NBAS: variants seen among roughly 807,000 people sequenced by gnomAD.
The protein encoded by NBAS is NBAS subunit of NRZ tethering complex.
A neutral mutation model predicts 302.5 loss-of-function variants in NBAS; 219 were observed. The ratio of observed to expected loss-of-function variants is 0.72; its 90% CI spans 0.65 to 0.81. NBAS has a LOEUF of 0.81. Among genes scored for constraint, NBAS ranks in the 30% least tolerant of loss-of-function variants. NBAS has a pLI of 0.00. For synonymous variants in NBAS, 1,118 were observed against 1,021.6 expected, an observed-to-expected ratio of 1.09 and a Z score of -1.80; for missense variants, 2,932 against 2,841.6, an observed-to-expected ratio of 1.03 and a Z score of -0.72.
the NBAS span, among the ~76,000 whole-genome samples, chr2:14,797,700 G>T: frequency 6.6e-6 from 1 of 152,072 alleles, no homozygotes; most frequent in Admixed American, 6.5e-5. Flanking sequence ...CAGGCTGAGC[G>T]TGAAGCTATA....
intron 31 of NBAS, among the ~76,000 whole-genome samples, chr2:15,367,075 T>C (rs945495793): frequency 7.2e-5 from 11 of 152,148 alleles, no homozygotes; most frequent in African/African-American, 2.2e-4. Flanking sequence ...CCTCACCCTC[T>C]AAGCCCCATT....
Position 15,559,387 on chromosome 2 carries a change from C to T in NBAS, c.118-753G>A, listed in dbSNP as rs149440493. Among the ~76,000 whole-genome samples, 454 of 152,248 alleles carry T rather than the reference C, an allele frequency of 3.0e-3. 2 individuals are homozygous for T. The highest frequency in any genetic ancestry group is 0.01 in the African/African-American group (427 of 41,548). On this transcript the variant is annotated intron_variant, in intron 1 of 51. Coordinates refer to ENST00000281513, the MANE Select transcript of NBAS (RefSeq NM_015909.4). ...GCTACTAACAAAACATACACAGATA[C>T]GTAATTGCTATATTAAATAATTCCA...
chr2:15,435,082 T>G (rs1166557010), intron 21 of NBAS, among the ~76,000 whole-genome samples: 1 of 152,190 alleles, frequency 6.6e-6, no homozygotes, highest in African/African-American at 2.4e-5. Context: ...GACATTTAAA[T>G]TTATCAATTA....
At chr2:15,253,733 C>T (rs887726356) in intron 44 of NBAS, among the ~76,000 whole-genome samples, 2 of 152,170 alleles carry the variant, frequency 1.3e-5, no homozygotes, top group African/African-American at 4.8e-5. Context: ...GACTCTGATA[C>T]ATTGTTCTGA....
chr2:14,836,377 A>T, the NBAS span, among the ~76,000 whole-genome samples: 7 of 151,682 alleles, frequency 4.6e-5, no homozygotes, highest in African/African-American at 1.7e-4. Flanking sequence ...AAGATAGAAG[A>T]TATTCTTCCA....
the NBAS span, among the ~76,000 whole-genome samples, chr2:15,073,487 A>T: frequency 2.4e-4 from 34 of 143,364 alleles, no homozygotes; most frequent in South Asian, 1.8e-3. Context: ...AAAAAAAAAA[A>T]AAAATAAAAA....
chr2:15,075,694 T>C, the NBAS span, among the ~76,000 whole-genome samples: 2 of 152,162 alleles, frequency 1.3e-5, no homozygotes, highest in Non-Finnish European at 2.9e-5. Context: ...TGCCATTTGT[T>C]TCCTATTGGG....
chr2:15,536,448 T>C lies in NBAS; in HGVS notation c.617A>G (p.Tyr206Cys). ...AAGGTAACTTCTAAGTTCTCCTCGG[T>C]AATTGATGACCAGGAGTTCTGCAGA... ...QWSAELLVIN[Y>C]RGELRSYLVS... The change falls in exon 8 of 52, where the codon TAC becomes TGC. Residue 206 changes from tyrosine to cysteine, a missense_variant. Tyr to Cys is a radical substitution (Grantham distance 194). Coordinates refer to ENST00000281513, the MANE Select transcript of NBAS (RefSeq NM_015909.4). 1.9e-6 allele frequency: 3 copies of C among 1,613,670 alleles called. No individual in the cohort carries two copies. Among genetic ancestry groups the C allele is most frequent in the Non-Finnish European group, 2.5e-6 (3 of 1,179,956 alleles).
the NBAS span, among the ~76,000 whole-genome samples, chr2:15,058,544 AG>A: frequency 3.3e-5 from 5 of 152,236 alleles, 1 homozygote; most frequent in Admixed American, 1.3e-4. Context: ...GCACAACATA[AG>A]GTTGAAGTTC....
intron 26 of NBAS, among the ~76,000 whole-genome samples, chr2:15,401,330 CT>C (rs1383032666): frequency 3.3e-5 from 5 of 151,686 alleles, no homozygotes; most frequent in Admixed American, 1.3e-4. Flanking sequence ...TGAGCCCCCC[CT>C]CCCAAAATAA....
the NBAS span, among the ~76,000 whole-genome samples, chr2:14,868,858 A>G: frequency 6.6e-6 from 1 of 152,248 alleles, no homozygotes; most frequent in African/African-American, 2.4e-5. Flanking sequence ...AGCATAGGGA[A>G]TAGAAAGATG....
rs1390794564 is a variant in NBAS, at chr2:15,418,548, AG to A, written c.2578-837del. On this transcript the variant is annotated intron_variant, in intron 23 of 51. Transcript: ENST00000281513. Reference sequence around the variant, plus strand: ...AAAGATCTCTCAGCCTTGTAAGAAAAGACAACCACAATGACTGAAGCAGAGT... The same window carrying A: ...AAAGATCTCTCAGCCTTGTAAGAAAAACAACCACAATGACTGAAGCAGAGT... 4.6e-5 allele frequency among the ~76,000 whole-genome samples: 7 copies of A among 152,336 alleles called. No homozygotes were observed. In the East Asian group the frequency reaches 1.4e-3, roughly 29 times the overall value.
chr2:15,286,984 A>G, intron 42 of NBAS, 89 bp downstream of exon 42: 1 of 1,103,846 alleles, frequency 9.1e-7, no homozygotes. Flanking sequence ...GAAAACTAAA[A>G]TTGTACTTTA....
intron 35 of NBAS, among the ~76,000 whole-genome samples, chr2:15,341,344 C>G (rs1381930356): frequency 1.3e-5 from 2 of 151,646 alleles, no homozygotes; most frequent in East Asian, 3.9e-4. Context: ...CAAGATAGTG[C>G]CAATGAACTC....
At chr2:15,091,042 G>T in the NBAS span, among the ~76,000 whole-genome samples, 10 of 152,050 alleles carry the variant, frequency 6.6e-5, no homozygotes, top group Admixed American at 4.6e-4. Flanking sequence ...CTATAATAAA[G>T]CCAAAATAGC....
intron 46 of NBAS, among the ~76,000 whole-genome samples, chr2:15,233,730 C>T (rs905893728): frequency 6.6e-6 from 1 of 152,016 alleles, no homozygotes; most frequent in African/African-American, 2.4e-5. Flanking sequence ...TTAATGGATA[C>T]CTCAGAGCAT....
chr2:15,324,898 C>T (rs939509184), intron 38 of NBAS, among the ~76,000 whole-genome samples: 3 of 152,166 alleles, frequency 2.0e-5, no homozygotes, highest in African/African-American at 7.2e-5. Flanking sequence ...TTATCAACTA[C>T]AACAAAGATG....
chr2:15,249,010 C>A (rs4668890), intron 44 of NBAS, among the ~76,000 whole-genome samples: 90,712 of 151,654 alleles, frequency 0.6, 29,872 homozygotes, highest in African/African-American at 0.87. Flanking sequence ...ACAACAACAA[C>A]AAAAAGAAAA....
chr2:14,791,200 A>G, the NBAS span, among the ~76,000 whole-genome samples: 1 of 152,096 alleles, frequency 6.6e-6, no homozygotes, highest in South Asian at 2.1e-4. Flanking sequence ...CGTGTTGGTC[A>G]GGCTGGTCTT....
Sources: allele counts gnomAD v4.1 joint callset (sites outside exome capture counted in the v4.1 genomes callset), GRCh38; gene constraint gnomAD v4.1.1; transcripts MANE v1.5; gene names NCBI Gene and HGNC (gene_info 2026-07-23, HGNC 2026-07-21).